The following COL21A1 variants were observed in gnomAD, a reference collection of about 807,000 sequenced individuals.
COL21A1 encodes the protein collagen alpha-1(XXI) chain.
In COL21A1, 149 loss-of-function variants were observed where a neutral mutation model predicts 137.9. The ratio of observed to expected loss-of-function variants is 1.08; its 90% CI spans 0.95 to 1.24. COL21A1 has a LOEUF of 1.24. COL21A1 is among the 50% of genes most tolerant of loss of function. COL21A1 has a pLI of 0.00. For synonymous variants in COL21A1, 456 were observed against 391.5 expected (o/e 1.16, Z -1.95); for missense variants, 1,167 against 1,158.4 (o/e 1.01, Z -0.11).
At chr6:56,171,154 G>C (rs747665489) in intron 3 of COL21A1, 26 bp from the exon 4 acceptor site, 1 of 1,537,964 alleles carries the variant, frequency 6.5e-7, no homozygotes, top group South Asian at 1.3e-5. Context: ...AATAAAAGTT[G>C]GTTAATCATG....
chr6:56,098,778 C>G (rs555084154), intron 17 of COL21A1, among the ~76,000 whole-genome samples: 1 of 136,752 alleles, frequency 7.3e-6, no homozygotes, highest in South Asian at 2.2e-4. Flanking sequence ...TGCAGTAGCG[C>G]GATCTTGGCT....
At chr6:56,248,428 T>C (rs1196576469), upstream of COL21A1, among the ~76,000 whole-genome samples, 1 of 152,226 alleles carries the variant, frequency 6.6e-6, no homozygotes, top group African/African-American at 2.4e-5. Context: ...GAGTGAGTCC[T>C]TCCTGTACAT....
chr6:56,094,224 A>G lies in COL21A1; in HGVS notation c.1812+7248T>C, dbSNP rs148763288. ...AGCTAAATATACAAGTTCATCACTT[A>G]GAAGTCTTACTTTCCACACAACTGC... On this transcript the variant is annotated intron_variant, in intron 17 of 29. Coordinates refer to ENST00000244728, the MANE Select transcript of COL21A1 (RefSeq NM_030820.4). Among the ~76,000 whole-genome samples, 365 of 152,292 alleles carry G rather than the reference A, an allele frequency of 2.4e-3. 1 individual carries two copies. Among genetic ancestry groups the G allele is most frequent in the Middle Eastern group, 0.01 (3 of 294 alleles).
At chr6:56,063,700 A>G (rs1009406627) in intron 24 of COL21A1, among the ~76,000 whole-genome samples, 15 of 152,082 alleles carry the variant, frequency 9.9e-5, no homozygotes, top group East Asian at 7.8e-4. Flanking sequence ...ACTCTTCCCA[A>G]TGGTCTCTCA....
At chr6:56,356,089 G>T (rs1278893322) in intron 1 of COL21A1, among the ~76,000 whole-genome samples, 1 of 152,102 alleles carries the variant, frequency 6.6e-6, no homozygotes, top group Non-Finnish European at 1.5e-5. Flanking sequence ...TCATTCATTT[G>T]TAACCAATGT....
In COL21A1 at chr6:56,168,226, A is replaced by G. The variant is rs1394708912; in HGVS notation, c.1098T>C (p.Asp366=). The G allele has an allele frequency of 6.4e-7, 1 of 1,573,594 alleles. No homozygotes were observed. The highest frequency in any genetic ancestry group is 8.6e-7 in the Non-Finnish European group (1 of 1,157,110). The part of the protein sequence containing the change: ...VTEQDVTLYI[D]DQQIENKPLH... ...AGGGCTTGTTTTCAATTTGTTGGTCATCAATATACAAAGTCACATCTTGTT... is the reference window on the plus strand; with the variant it reads ...AGGGCTTGTTTTCAATTTGTTGGTCGTCAATATACAAAGTCACATCTTGTT... The change falls in exon 6 of 30, where the codon GAT becomes GAC. Residue 366 remains aspartate, a synonymous_variant. Transcript: ENST00000244728.
intron 1 of COL21A1, among the ~76,000 whole-genome samples, chr6:56,209,396 T>C (rs1465909716): frequency 2.6e-5 from 4 of 152,130 alleles, no homozygotes. Context: ...AAAGGGCTAA[T>C]ATCCAGAATC....
At chr6:56,094,834 T>A (rs944310457) in intron 17 of COL21A1, among the ~76,000 whole-genome samples, 1 of 152,136 alleles carries the variant, frequency 6.6e-6, no homozygotes, top group African/African-American at 2.4e-5. Context: ...TGGAGAGAAT[T>A]TCTTCTTTCT....
At chr6:56,322,727 G>A (rs1373567187) in intron 1 of COL21A1, among the ~76,000 whole-genome samples, 1 of 151,752 alleles carries the variant, frequency 6.6e-6, no homozygotes, top group Non-Finnish European at 1.5e-5. Context: ...CCCTTATTTT[G>A]TTCTCTGTAT....
intron 10 of COL21A1, among the ~76,000 whole-genome samples, chr6:56,156,607 A>G (rs1313309543): frequency 2.0e-5 from 3 of 151,348 alleles, no homozygotes; most frequent in African/African-American, 4.9e-5. Context: ...TGGCCTGATC[A>G]CAGAGGAAAA....
At chr6:56,388,571 TC>T (rs2094023041) in intron 1 of COL21A1, among the ~76,000 whole-genome samples, 1 of 152,238 alleles carries the variant, frequency 6.6e-6, no homozygotes, top group African/African-American at 2.4e-5. Context: ...CTCCCTGTCC[TC>T]TTCTGCCCCC....
At chr6:56,311,764 C>G (rs753299789) in intron 1 of COL21A1, among the ~76,000 whole-genome samples, 1 of 152,136 alleles carries the variant, frequency 6.6e-6, no homozygotes, top group Admixed American at 6.5e-5. Context: ...CATGGTCACT[C>G]CCTTTGAGGA....
At chr6:56,292,361 T>C (rs900523085) in intron 1 of COL21A1, among the ~76,000 whole-genome samples, 1 of 151,550 alleles carries the variant, frequency 6.6e-6, no homozygotes. Flanking sequence ...TGAATTTATA[T>C]ATGGTGTAAT....
intron 12 of COL21A1, among the ~76,000 whole-genome samples, chr6:56,138,721 G>T (rs1302535688): frequency 6.6e-6 from 1 of 152,038 alleles, no homozygotes. Context: ...TACTAGAGTG[G>T]GTCAGAGAGA....
intron 1 of COL21A1, among the ~76,000 whole-genome samples, chr6:56,363,223 G>T (rs1766015596): frequency 1.3e-5 from 2 of 152,206 alleles, no homozygotes; most frequent in African/African-American, 4.8e-5. Flanking sequence ...CCAGGCTTAG[G>T]CCTCGTTCTC....
Position 56,294,837 on chromosome 6 carries a change from A to G in COL21A1, c.-39+99134T>C, listed in dbSNP as rs542921379. On this transcript the variant is annotated intron_variant, in intron 1 of 28. Transcript: ENST00000370819. ...AAAAGGAGTTCTTTGTATATTTTGGATACTAGCCCTTTATCAGATATGGTG... is the reference window on the plus strand; with the variant it reads ...AAAAGGAGTTCTTTGTATATTTTGGGTACTAGCCCTTTATCAGATATGGTG... Among the ~76,000 whole-genome samples, 339 of 152,124 alleles carry G rather than the reference A, an allele frequency of 2.2e-3. 2 individuals carry two copies. The highest frequency in any genetic ancestry group is 7.7e-3 in the African/African-American group (322 of 41,550).
chr6:56,131,890 C>G (rs942221053), intron 12 of COL21A1, among the ~76,000 whole-genome samples: 16 of 152,078 alleles, frequency 1.1e-4, no homozygotes, highest in African/African-American at 3.9e-4. Context: ...AACAAAGTTA[C>G]CCTGTATTTG....
At chr6:56,062,787 C>T (rs755433484) in intron 24 of COL21A1, among the ~76,000 whole-genome samples, 2 of 152,108 alleles carry the variant, frequency 1.3e-5, no homozygotes, top group Middle Eastern at 3.4e-3. Context: ...TGAAGAAATG[C>T]GGGAGTGATC....
chr6:56,179,833 C>A lies in COL21A1; in HGVS notation c.385G>T (p.Ala129Ser). 14 of 1,613,916 alleles carry A rather than the reference C, an allele frequency of 8.7e-6. No individual in the cohort carries two copies. Among genetic ancestry groups the A allele is most frequent in the Non-Finnish European group, 1.1e-5 (13 of 1,179,872 alleles). The change falls in exon 3 of 30, where the codon GCC becomes TCC. Residue 129 changes from alanine (A) to serine (S), a missense_variant. Physicochemically the swap from Ala to Ser is moderately conservative, Grantham distance 99. Transcript: ENST00000244728. Reference sequence around the variant, plus strand: ...TTAGTCAGAAATCGTGAGGACTTGGCAAAAAGGTAATCGAGCGCAAACTGG... The same window carrying A: ...TTAGTCAGAAATCGTGAGGACTTGGAAAAAAGGTAATCGAGCGCAAACTGG... Reference protein sequence around the residue: ...AIQFALDYLFAKSSRFLTKIA... With the variant: ...AIQFALDYLFSKSSRFLTKIA...
Sources: allele counts gnomAD v4.1 joint callset (sites outside exome capture counted in the v4.1 genomes callset), GRCh38; gene constraint gnomAD v4.1.1; transcripts MANE v1.5; gene names NCBI Gene and HGNC (gene_info 2026-07-23, HGNC 2026-07-21).